The following CLIP1 variants were observed in gnomAD, a reference collection of about 807,000 sequenced individuals.
CLIP1 encodes the protein CAP-Gly domain containing linker protein 1, also known as CAP-Gly domain-containing linker protein 1.
In CLIP1, 66 loss-of-function variants were observed where a neutral mutation model predicts 161.6. The observed-to-expected ratio is 0.41, with a 90% CI of 0.33 to 0.50. The LOEUF (loss-of-function observed/expected upper bound fraction) is 0.50, where lower values mean the gene tolerates loss of function less well. Ranked by LOEUF, CLIP1 falls within the 20% of genes least tolerant of loss-of-function variation. The pLI is 0.27. For missense variants in CLIP1, 1,376 were observed against 1,702.0 expected, an observed-to-expected ratio of 0.81 and a Z score of 3.37; for synonymous variants, 598 against 626.2, an observed-to-expected ratio of 0.96 and a Z score of 0.67.
At chr12:122,374,718 C>T (rs11057786) in intron 3 of CLIP1, among the ~76,000 whole-genome samples, 30,869 of 151,868 alleles carry the variant, frequency 0.2, 3,513 homozygotes, top group Admixed American at 0.26. Flanking sequence ...GCCAAGATCG[C>T]GCCACTGCAC....
In CLIP1 at chr12:122,380,460, G is replaced by T; in HGVS notation, c.-8C>A. On this transcript the variant is annotated 5_prime_UTR_variant, in exon 2 of 26. Transcript: ENST00000620786. Reference sequence around the variant, plus strand: ...TGGCTTTAGCATACTCATTTTCTTTGTATGTCAGAGCTGTTTCTCCTTTGC... The same window carrying T: ...TGGCTTTAGCATACTCATTTTCTTTTTATGTCAGAGCTGTTTCTCCTTTGC... 1 of 1,592,276 alleles carries T rather than the reference G, an allele frequency of 6.3e-7. No homozygotes were observed. Among genetic ancestry groups the T allele is most frequent in the African/African-American group, 1.3e-5 (1 of 74,314 alleles).
chr12:122,417,799 A>C (rs1689228638), intron 1 of CLIP1, among the ~76,000 whole-genome samples: 1 of 152,104 alleles, frequency 6.6e-6, no homozygotes, highest in Non-Finnish European at 1.5e-5. Flanking sequence ...GGTGTGAGCT[A>C]CCGCGCCCGG....
Position 122,355,396 on chromosome 12 carries a change from G to T in CLIP1, c.1006-84C>A. The stretch of plus-strand genomic sequence containing the variant: ...CGCGATGCATGCATGGCGGGCATCT[G>T]CTCGGCAAAGCAAGGGCGCTGCTCC... On this transcript the variant is annotated intron_variant, in intron 5 of 25. Coordinates refer to ENST00000620786, the MANE Select transcript of CLIP1 (RefSeq NM_001247997.2). This position sits in a 1 kb window ranked among gnomAD's most constrained non-coding sequence, Gnocchi z 4.1. 1 of 1,265,988 alleles carries T rather than the reference G, an allele frequency of 7.9e-7. No homozygotes were observed. Among genetic ancestry groups the T allele is most frequent in the Non-Finnish European group, 1.1e-6 (1 of 891,432 alleles). The allele number at this position is 1,265,988 out of a possible 1,614,324, so 78.4% of individuals were successfully genotyped here. A position where few individuals can be genotyped will look rare whatever the true frequency, so the allele number is the denominator to read the frequency against.
intron 1 of CLIP1, among the ~76,000 whole-genome samples, chr12:122,389,633 C>A (rs1184447103): frequency 2.0e-5 from 3 of 151,742 alleles, no homozygotes; most frequent in Admixed American, 2.0e-4. Flanking sequence ...GTGGTGCATG[C>A]CTGTAGGCCC....
intron 19 of CLIP1, among the ~76,000 whole-genome samples, chr12:122,314,851 A>G (rs1210141613): frequency 6.6e-6 from 1 of 152,232 alleles, no homozygotes; most frequent in Non-Finnish European, 1.5e-5. Flanking sequence ...TTTTCCTGTC[A>G]TGGTGACCCA....
At chr12:122,389,827 T>C (rs1487092022) in intron 1 of CLIP1, among the ~76,000 whole-genome samples, 1 of 145,314 alleles carries the variant, frequency 6.9e-6, no homozygotes, top group Non-Finnish European at 1.5e-5. Flanking sequence ...TGGATATCTG[T>C]CTTCTGCTAA....
Position 122,273,043 on chromosome 12 carries a change from G to A in CLIP1, c.4149C>T (p.Asp1383=). The change falls in exon 26 of 26, where the codon GAC becomes GAT. Residue 1383 remains aspartate (D), a synonymous_variant. Coordinates refer to ENST00000620786, the MANE Select transcript of CLIP1 (RefSeq NM_001247997.2). ...CCTCTGTGTCGTGGAGATCAAAGCA[G>A]TCACAAATGTCACAGAAGAGGCGAG... is the stretch of plus-strand genomic sequence containing the variant. The part of the protein sequence containing the change: ...KKPRLFCDIC[D]CFDLHDTEDC... 1 of 1,614,176 alleles carries A rather than the reference G, an allele frequency of 6.2e-7. No homozygotes were observed.
At chr12:122,415,683 G>A (rs1956728394) in intron 1 of CLIP1, among the ~76,000 whole-genome samples, 1 of 151,888 alleles carries the variant, frequency 6.6e-6, no homozygotes, top group African/African-American at 2.4e-5. Context: ...GCCGTGCGTG[G>A]TGGAGTGTGC....
At chr12:122,330,945 G>T (rs1400059834) in intron 15 of CLIP1, among the ~76,000 whole-genome samples, 1 of 151,878 alleles carries the variant, frequency 6.6e-6, no homozygotes, top group African/African-American at 2.4e-5. Context: ...GGACCAGACT[G>T]CCCAGATCTG....
intron 1 of CLIP1, among the ~76,000 whole-genome samples, chr12:122,395,161 G>A (rs1002271270): frequency 5.3e-5 from 8 of 152,276 alleles, no homozygotes; most frequent in East Asian, 1.9e-4. Flanking sequence ...AGTAAATTCC[G>A]TAGCAAATAG....
intron 20 of CLIP1, among the ~76,000 whole-genome samples, chr12:122,298,911 C>A (rs1354169318): frequency 6.6e-6 from 1 of 151,416 alleles, no homozygotes; most frequent in Non-Finnish European, 1.5e-5. Flanking sequence ...GCTGAGATCG[C>A]GCCACTGCAC....
rs144274865 is a variant in CLIP1, at chr12:122,401,608, C to T, written c.-107+20913G>A. On this transcript the variant is annotated intron_variant, in intron 1 of 25. Coordinates refer to ENST00000620786, the MANE Select transcript of CLIP1 (RefSeq NM_001247997.2). ...GCTTAAACCTGGGAGGCAGAGGTTGCGGTGAGCAGAGATGGCGCCATTGTA... is the reference window on the plus strand; with the variant it reads ...GCTTAAACCTGGGAGGCAGAGGTTGTGGTGAGCAGAGATGGCGCCATTGTA... Among the ~76,000 whole-genome samples, 294 of 152,024 alleles carry T rather than the reference C, an allele frequency of 1.9e-3. 1 individual carries two copies. The highest frequency in any genetic ancestry group is 6.6e-3 in the African/African-American group (274 of 41,472).
At chr12:122,419,368 C>CA (rs530430022) in intron 1 of CLIP1, among the ~76,000 whole-genome samples, 1,387 of 116,986 alleles carry the variant, frequency 0.012, 9 homozygotes, top group South Asian at 0.04. Context: ...GACTCTGTCT[C>CA]AAAAAAAAAA....
intron 21 of CLIP1, among the ~76,000 whole-genome samples, chr12:122,287,090 A>G (rs759399735): frequency 6.6e-6 from 1 of 152,138 alleles, no homozygotes; most frequent in Non-Finnish European, 1.5e-5. Context: ...CGGAAGATCA[A>G]TTGAGCCCAG....
chr12:122,361,992 T>C (rs1289940663), intron 4 of CLIP1, among the ~76,000 whole-genome samples: 2 of 151,958 alleles, frequency 1.3e-5, no homozygotes, highest in African/African-American at 4.8e-5. Flanking sequence ...CTCAGTCTGT[T>C]GCCCAGGCTG....
At chr12:122,343,178 T>A (rs931139052) in intron 10 of CLIP1, 1 of 148,720 alleles carries the variant, frequency 6.7e-6, no homozygotes, top group Admixed American at 6.8e-5. Context: ...TTTGCTTTCG[T>A]TGCCCAGTGC....
chr12:122,363,082 T>C (rs143808118), intron 4 of CLIP1, among the ~76,000 whole-genome samples: 1 of 152,326 alleles, frequency 6.6e-6, no homozygotes, highest in East Asian at 1.9e-4. Context: ...ATGTACTGTA[T>C]ACTACTAATA....
chr12:122,334,570 G>A, intron 13 of CLIP1, 78 bp downstream of exon 13: 2 of 950,856 alleles, frequency 2.1e-6, no homozygotes, highest in Non-Finnish European at 3.3e-6. Flanking sequence ...GTGTAACTCT[G>A]TGCACTCCAC....
In CLIP1 at chr12:122,316,215, C is replaced by CT. The variant is rs879515742; in HGVS notation, c.3473+533dup. ...TACTTTCAAGGCTTTCGAGTCACTT[C>CT]TTTTTTTTTTTTTGAGACAGGATCT... On this transcript the variant is annotated intron_variant, in intron 19 of 25. Transcript: ENST00000620786. Among the ~76,000 whole-genome samples the CT allele has an allele frequency of 6.7e-3, 956 of 141,888 alleles. 10 individuals carry two copies. The highest frequency in any genetic ancestry group is 0.013 in the African/African-American group (497 of 39,000). 93.1% of individuals were successfully genotyped at this position (141,888 alleles called of 152,430 possible). A position where few individuals can be genotyped will look rare whatever the true frequency, so the allele number is the denominator to read the frequency against.
Sources: gnomAD v4.1 joint callset for allele counts (sites outside exome capture counted in the v4.1 genomes callset) on GRCh38, gnomAD v4.1.1 for gene constraint, Gnocchi (gnomAD v3.1) non-coding constraint, MANE v1.5 for transcripts, NCBI Gene and HGNC (gene_info 2026-07-23, HGNC 2026-07-21) for gene names.